FILIP1: variants seen among roughly 807,000 people sequenced by gnomAD.
FILIP1 encodes the protein filamin A interacting protein 1.
In FILIP1, 61 loss-of-function variants were observed where a neutral mutation model predicts 102.1. The ratio of observed to expected loss-of-function variants is 0.60; its 90% CI spans 0.49 to 0.74. FILIP1 has a LOEUF of 0.74. FILIP1 is among the 30% of genes least tolerant of loss of function. FILIP1 has a pLI of 0.00. For missense variants in FILIP1, 1,314 were observed against 1,441.2 expected, an observed-to-expected ratio of 0.91 and a Z score of 1.43; for synonymous variants, 491 against 526.9, an observed-to-expected ratio of 0.93 and a Z score of 0.93.
intron 2 of FILIP1, among the ~76,000 whole-genome samples, chr6:75,411,027 A>G (rs1293022267): frequency 6.6e-6 from 1 of 151,832 alleles, no homozygotes; most frequent in Admixed American, 6.6e-5. Context: ...ACTAATTTAC[A>G]CTCCCACCAA....
chr6:75,430,289 C>T (rs1257026112), intron 1 of FILIP1, among the ~76,000 whole-genome samples: 1 of 152,044 alleles, frequency 6.6e-6, no homozygotes, highest in East Asian at 1.9e-4. Flanking sequence ...TATAAATTAC[C>T]CAGTCTCAGA....
intron 1 of FILIP1, among the ~76,000 whole-genome samples, chr6:75,451,018 AT>A (rs1300159609): frequency 3.3e-5 from 5 of 152,020 alleles, no homozygotes. Flanking sequence ...ATAAGTTCAA[AT>A]GCTAGTGGAC....
chr6:75,457,685 C>G (rs1778889951), intron 1 of FILIP1, among the ~76,000 whole-genome samples: 1 of 150,620 alleles, frequency 6.6e-6, no homozygotes, highest in African/African-American at 2.5e-5. Context: ...ACATATTTAG[C>G]CTTCTCAGAG....
intron 1 of FILIP1, among the ~76,000 whole-genome samples, chr6:75,478,335 T>A (rs1466443467): frequency 6.6e-6 from 1 of 152,196 alleles, no homozygotes; most frequent in Non-Finnish European, 1.5e-5. Flanking sequence ...CTCACATTGC[T>A]CTTCCCTACC....
rs1773355570 is a variant in FILIP1 at position 75,314,546 on chromosome 6, T to C, written c.1286A>G (p.Gln429Arg). 6.2e-7 allele frequency: 1 copy of C among 1,614,040 alleles called. No homozygotes were observed. Among genetic ancestry groups the C allele is most frequent in the Non-Finnish European group, 8.5e-7 (1 of 1,180,004 alleles). Reference sequence around the variant, plus strand: ...TTTCTCTAGTTCAGACATTCTCTTCTGTAGCTTCTCAACTTCAAGTCTGAG... The same window carrying C: ...TTTCTCTAGTTCAGACATTCTCTTCCGTAGCTTCTCAACTTCAAGTCTGAG... ...KELRLEVEKLQKRMSELEKLE... is the reference protein window; with the variant it reads ...KELRLEVEKLRKRMSELEKLE... Residue 429 changes from glutamine to arginine, a missense_variant, in exon 5 of 6, where the codon CAG becomes CGG. By Grantham distance (43) the Gln-to-Arg change is conservative (BLOSUM62 1). This residue lies in a region of FILIP1 where 494 missense variants were observed against 511.2 expected (regional missense o/e 0.97). Transcript: ENST00000237172.
chr6:75,343,259 T>C (rs1387323784), intron 4 of FILIP1, among the ~76,000 whole-genome samples: 2 of 152,242 alleles, frequency 1.3e-5, no homozygotes, highest in Admixed American at 1.3e-4. Context: ...TTTCAGCCTC[T>C]GGAACTGTGA....
chr6:75,325,977 C>A (rs551161313), intron 4 of FILIP1, among the ~76,000 whole-genome samples: 3 of 152,204 alleles, frequency 2.0e-5, no homozygotes, highest in Admixed American at 6.5e-5. Flanking sequence ...AGCAGTGTAA[C>A]TCGCAACTGC....
exon 7 of FILIP1, chr6:75,295,768 C>T: frequency 4.2e-6 from 2 of 477,380 alleles, no homozygotes; most frequent in Non-Finnish European, 6.7e-6. Flanking sequence ...ACATTATATC[C>T]TTAAAAAAAA....
intron 4 of FILIP1, chr6:75,319,488 T>G (rs190889110): frequency 1.7e-6 from 1 of 594,100 alleles, no homozygotes; most frequent in Non-Finnish European, 3.3e-6. Context: ...TCTTCAAATT[T>G]TCCTTTCTCT....
intron 2 of FILIP1, among the ~76,000 whole-genome samples, chr6:75,373,829 C>T (rs1319125986): frequency 1.3e-5 from 2 of 152,008 alleles, no homozygotes; most frequent in African/African-American, 4.8e-5. Context: ...GGCAACATGG[C>T]AAAACCCTGT....
chr6:75,453,589 T>C (rs912004226), intron 1 of FILIP1, among the ~76,000 whole-genome samples: 1 of 152,096 alleles, frequency 6.6e-6, no homozygotes, highest in African/African-American at 2.4e-5. Context: ...GGTGGGAGGA[T>C]TGCTTGAGAC....
intron 1 of FILIP1, among the ~76,000 whole-genome samples, chr6:75,479,195 A>G (rs2149775533): frequency 6.6e-6 from 1 of 152,328 alleles, no homozygotes; most frequent in African/African-American, 2.4e-5. Flanking sequence ...TTACAAGTCA[A>G]TAGATTTGAG....
intron 1 of FILIP1, among the ~76,000 whole-genome samples, chr6:75,424,372 A>T (rs555785876): frequency 1.3e-5 from 2 of 152,112 alleles, no homozygotes; most frequent in Admixed American, 1.3e-4. Flanking sequence ...TTGTGCAATA[A>T]CTCTTTCTTC....
At chr6:75,488,327 C>T (rs1158111924) in intron 1 of FILIP1, among the ~76,000 whole-genome samples, 1 of 152,052 alleles carries the variant, frequency 6.6e-6, no homozygotes, top group African/African-American at 2.4e-5. Flanking sequence ...AATTCTTCCA[C>T]AACGGGCTGC....
intron 6 of FILIP1, among the ~76,000 whole-genome samples, chr6:75,303,074 G>A (rs1582307547): frequency 6.6e-6 from 1 of 152,232 alleles, no homozygotes; most frequent in African/African-American, 2.4e-5. Context: ...GAGAGAATAA[G>A]CAGGACTTGC....
At chr6:75,490,164 T>A (rs11752498) in intron 1 of FILIP1, among the ~76,000 whole-genome samples, 73,561 of 151,892 alleles carry the variant, frequency 0.48, 18,126 homozygotes, top group Middle Eastern at 0.53. Context: ...TAAGTAAAAA[T>A]TATAACCACA....
chr6:75,410,766 T>C (rs1012372934), intron 2 of FILIP1, among the ~76,000 whole-genome samples: 1 of 152,204 alleles, frequency 6.6e-6, no homozygotes, highest in African/African-American at 2.4e-5. Context: ...CCATGGTGTA[T>C]ATGTGCCACA....
intron 2 of FILIP1, among the ~76,000 whole-genome samples, chr6:75,393,659 T>C (rs1296587749): frequency 6.6e-6 from 1 of 152,192 alleles, no homozygotes; most frequent in East Asian, 1.9e-4. Context: ...ACATTTCATA[T>C]CATAAGGTAA....
intron 1 of FILIP1, among the ~76,000 whole-genome samples, chr6:75,443,855 T>G (rs1562608220): frequency 1.3e-5 from 2 of 152,208 alleles, no homozygotes; most frequent in African/African-American, 4.8e-5. Flanking sequence ...AGTTCTAACA[T>G]GCTCATATTA....
Sources: gnomAD v4.1 joint callset for allele counts (sites outside exome capture counted in the v4.1 genomes callset) on GRCh38, gnomAD v4.1.1 for gene constraint, gnomAD v4.1.1 regional missense constraint, MANE v1.5 for transcripts, NCBI Gene and HGNC (gene_info 2026-07-23, HGNC 2026-07-21) for gene names.